C10orf90: variants seen among roughly 807,000 people sequenced by gnomAD.
The protein encoded by C10orf90 is (E2-independent) E3 ubiquitin-conjugating enzyme FATS.
C10orf90 carries 56 observed loss-of-function variants against 62.5 expected under a neutral mutation model. That is an observed-to-expected ratio of 0.90 (90% CI 0.72 to 1.12). C10orf90 has a LOEUF of 1.12. Ranked by LOEUF, C10orf90 falls within the 50% of genes most tolerant of loss-of-function variation. The pLI is 0.00. For synonymous variants in C10orf90, 386 were observed against 340.4 expected, an observed-to-expected ratio of 1.13 and a Z score of -1.47; for missense variants, 970 against 880.4, an observed-to-expected ratio of 1.10 and a Z score of -1.29.
At chr10:126,527,702 G>A (rs2133951086) in intron 2 of C10orf90, among the ~76,000 whole-genome samples, 1 of 152,344 alleles carries the variant, frequency 6.6e-6, no homozygotes, top group South Asian at 2.1e-4. Flanking sequence ...AACAGGGATT[G>A]TGATGTCTAT....
intron 2 of C10orf90, among the ~76,000 whole-genome samples, chr10:126,563,598 C>G (rs1864953075): frequency 6.6e-6 from 1 of 152,168 alleles, no homozygotes; most frequent in Admixed American, 6.5e-5. Flanking sequence ...GCCGTGAGCC[C>G]AATCCACATT....
intron 2 of C10orf90, among the ~76,000 whole-genome samples, chr10:126,566,303 A>G (rs1458195704): frequency 1.3e-5 from 2 of 152,248 alleles, no homozygotes; most frequent in African/African-American, 2.4e-5. Flanking sequence ...GTAAGCGAAT[A>G]TTCATTAAGG....
At chr10:126,589,639 T>C (rs180677125) in intron 2 of C10orf90, among the ~76,000 whole-genome samples, 106 of 152,298 alleles carry the variant, frequency 7.0e-4, no homozygotes, top group Admixed American at 3.6e-3. Context: ...TAAGATACTT[T>C]TCAGACAAGC....
chr10:126,659,131 T>G (rs1024956498), intron 1 of C10orf90, among the ~76,000 whole-genome samples: 1 of 152,244 alleles, frequency 6.6e-6, no homozygotes, highest in Non-Finnish European at 1.5e-5. Context: ...CATTCACTTC[T>G]GAGCCTCTCT....
chr10:126,580,434 T>A (rs1354699905), intron 2 of C10orf90, among the ~76,000 whole-genome samples: 1 of 152,080 alleles, frequency 6.6e-6, no homozygotes, highest in African/African-American at 2.4e-5. Context: ...GGCAGGTGGA[T>A]CACAGTCAGG....
intron 2 of C10orf90, among the ~76,000 whole-genome samples, chr10:126,565,028 T>TAATATATAAAATATATATTATATATAA (rs1426096709): frequency 3.3e-4 from 3 of 9,080 alleles, no homozygotes; most frequent in Non-Finnish European, 4.1e-4. Flanking sequence ...ATATTATATA[T>TAATATATAAAATATATATTATATATAA]TATATAAAAT....
intron 2 of C10orf90, among the ~76,000 whole-genome samples, chr10:126,534,438 C>A (rs1213259590): frequency 6.6e-6 from 1 of 152,194 alleles, no homozygotes; most frequent in Non-Finnish European, 1.5e-5. Flanking sequence ...AAGTGGACAT[C>A]TTTCTCTCCA....
In C10orf90 at chr10:126,659,218, C is replaced by T. The variant is rs531803350; in HGVS notation, c.240+11023G>A. On this transcript the variant is annotated intron_variant, in intron 1 of 9. Transcript: ENST00000488181. ...CCAAACAGGCTGCCTTGAAAACTAG[C>T]GCAATATGAGGCAGCCAACCTAGAG... Among the ~76,000 whole-genome samples, 18 of 152,292 alleles carry T rather than the reference C, an allele frequency of 1.2e-4. No homozygotes were observed. In the South Asian group the frequency reaches 2.1e-3, roughly 18 times the overall value.
chr10:126,524,283 T>G (rs1863866885), intron 2 of C10orf90, among the ~76,000 whole-genome samples: 1 of 152,180 alleles, frequency 6.6e-6, no homozygotes, highest in Admixed American at 6.5e-5. Flanking sequence ...GATATAAGAA[T>G]GAGGGTCTTG....
At chr10:126,659,186 A>T (rs1846457047) in intron 1 of C10orf90, among the ~76,000 whole-genome samples, 1 of 152,244 alleles carries the variant, frequency 6.6e-6, no homozygotes, top group South Asian at 2.1e-4. Flanking sequence ...GACCCAGGAC[A>T]TCACCACCAA....
chr10:126,532,933 T>TTA (rs1864142969), intron 2 of C10orf90, among the ~76,000 whole-genome samples: 1 of 148,654 alleles, frequency 6.7e-6, no homozygotes, highest in Non-Finnish European at 1.5e-5. Context: ...ATTATTATTA[T>TTA]TTATTTATTT....
At chr10:126,648,614 A>G (rs1846218233) in intron 1 of C10orf90, among the ~76,000 whole-genome samples, 1 of 152,276 alleles carries the variant, frequency 6.6e-6, no homozygotes, top group African/African-American at 2.4e-5. Flanking sequence ...AGGGAAGGAA[A>G]TAAAAATGCT....
chr10:126,495,671 G>T (rs2133853687), intron 4 of C10orf90, among the ~76,000 whole-genome samples: 1 of 152,272 alleles, frequency 6.6e-6, no homozygotes, highest in South Asian at 2.1e-4. Flanking sequence ...GAAAGATATG[G>T]ACTTTGCTTT....
At chr10:126,565,394 AT>A (rs1374324772) in intron 2 of C10orf90, among the ~76,000 whole-genome samples, 4 of 74,708 alleles carry the variant, frequency 5.4e-5, no homozygotes, top group South Asian at 3.2e-4. Flanking sequence ...TATTATATAT[AT>A]TATATTATAT....
At chr10:126,581,556 A>T (rs951849221) in intron 2 of C10orf90, among the ~76,000 whole-genome samples, 1 of 152,104 alleles carries the variant, frequency 6.6e-6, no homozygotes, top group Non-Finnish European at 1.5e-5. Context: ...TTCTTAGGGC[A>T]CAGACCTTTG....
intron 4 of C10orf90, among the ~76,000 whole-genome samples, chr10:126,485,391 T>C (rs988930304): frequency 2.0e-5 from 3 of 152,204 alleles, no homozygotes; most frequent in Non-Finnish European, 2.9e-5. Context: ...TAAGTCCACT[T>C]GTATAAATGG....
intron 4 of C10orf90, among the ~76,000 whole-genome samples, chr10:126,485,681 C>T (rs1489325349): frequency 1.3e-5 from 2 of 151,978 alleles, no homozygotes; most frequent in East Asian, 3.9e-4. Flanking sequence ...TGGCTTAAGC[C>T]TGTAATCCCA....
chr10:126,502,799 T>C (rs10510159), intron 4 of C10orf90: 121,444 of 526,012 alleles, frequency 0.23, 15,364 homozygotes, highest in Middle Eastern at 0.39. Flanking sequence ...CTTTGGAACA[T>C]TGATAGCTGC....
At chr10:126,661,237 CAT>C (rs1442435293) in intron 1 of C10orf90, among the ~76,000 whole-genome samples, 1 of 152,148 alleles carries the variant, frequency 6.6e-6, no homozygotes, top group Non-Finnish European at 1.5e-5. Context: ...GGCAGGAAAA[CAT>C]ATGTTCAAAC....
Sources: allele counts gnomAD v4.1 joint callset (sites outside exome capture counted in the v4.1 genomes callset), GRCh38; gene constraint gnomAD v4.1.1; transcripts MANE v1.5; gene names NCBI Gene and HGNC (gene_info 2026-07-23, HGNC 2026-07-21).